Variants in MCTP2 observed in about 807,000 individuals in gnomAD.
The protein encoded by MCTP2 is multiple C2 and transmembrane domain containing 2.
MCTP2 carries 132 observed loss-of-function variants against 111.6 expected under a neutral mutation model. The ratio of observed to expected loss-of-function variants is 1.18; its 90% CI spans 1.03 to 1.37. MCTP2 has a LOEUF of 1.37. MCTP2 is among the 40% of genes most tolerant of loss of function. MCTP2 has a pLI of 0.00. For synonymous variants in MCTP2, 395 were observed against 387.7 expected, an observed-to-expected ratio of 1.02 and a Z score of -0.22; for missense variants, 1,183 against 1,067.9, an observed-to-expected ratio of 1.11 and a Z score of -1.50.
intron 17 of MCTP2, chr15:94,402,917 G>T: frequency 1.9e-6 from 2 of 1,069,654 alleles, no homozygotes; most frequent in Non-Finnish European, 2.3e-6. Context: ...ATGTGGTTCT[G>T]CTTCTGTTTT....
At chr15:94,450,455 A>G (rs909153860) in intron 19 of MCTP2, among the ~76,000 whole-genome samples, 7 of 152,252 alleles carry the variant, frequency 4.6e-5, no homozygotes, top group Admixed American at 3.9e-4. Context: ...GGATTCCCAA[A>G]GAATAATTTT....
chr15:94,432,185 G>A (rs892613500), intron 17 of MCTP2, among the ~76,000 whole-genome samples: 1 of 152,102 alleles, frequency 6.6e-6, no homozygotes, highest in African/African-American at 2.4e-5. Flanking sequence ...GGAGAGTTTG[G>A]GTTGGTGGCA....
At chr15:94,270,636 C>G (rs1302374888) in intron 1 of MCTP2, among the ~76,000 whole-genome samples, 1 of 152,124 alleles carries the variant, frequency 6.6e-6, no homozygotes, top group Non-Finnish European at 1.5e-5. Context: ...CCCCCTATCC[C>G]CCTCTCCTGG....
intron 19 of MCTP2, among the ~76,000 whole-genome samples, chr15:94,443,725 G>GT (rs1366673233): frequency 6.6e-6 from 1 of 152,136 alleles, no homozygotes; most frequent in African/African-American, 2.4e-5. Context: ...GGACCAGATG[G>GT]TTTTGCCCAT....
chr15:94,265,268 A>T (rs1053539347), intron 1 of MCTP2, among the ~76,000 whole-genome samples: 3 of 152,180 alleles, frequency 2.0e-5, no homozygotes, highest in Non-Finnish European at 4.4e-5. Flanking sequence ...TGAGTCACTT[A>T]TACTAACTCT....
At chr15:94,411,294 T>C (rs144292449) in intron 17 of MCTP2, among the ~76,000 whole-genome samples, 201 of 152,254 alleles carry the variant, frequency 1.3e-3, no homozygotes, top group Admixed American at 2.1e-3. Context: ...CTTTTTTTTT[T>C]TTTTTCTTTT....
rs184997512 is a variant in MCTP2, at chr15:94,321,666, T to C, written c.637+6029T>C. On this transcript the variant is annotated intron_variant, in intron 4 of 22. Coordinates refer to ENST00000357742, the MANE Select transcript of MCTP2 (RefSeq NM_001385001.1). ...CTCTCTCTATGATCTGTCTTTAGCA[T>C]AGGGTTTTTAAAATACAGCTAATCA... 1.4e-3 allele frequency among the ~76,000 whole-genome samples: 209 copies of C among 152,304 alleles called. 2 individuals carry two copies. The highest frequency in any genetic ancestry group is 4.5e-3 in the African/African-American group (189 of 41,560).
At chr15:94,298,874 C>T in intron 2 of MCTP2, 144 bp downstream of exon 2, 2 of 366,560 alleles carry the variant, frequency 5.5e-6, no homozygotes, top group Non-Finnish European at 9.1e-6. Flanking sequence ...CTCTCTCTCC[C>T]CCTCCCCCCT....
chr15:94,446,923 TAAGAA>T (rs1331771921), intron 19 of MCTP2, among the ~76,000 whole-genome samples: 1 of 152,224 alleles, frequency 6.6e-6, no homozygotes, highest in Non-Finnish European at 1.5e-5. Flanking sequence ...CATTTTCCTT[TAAGAA>T]AATAAGAAAC....
intron 17 of MCTP2, among the ~76,000 whole-genome samples, chr15:94,412,691 A>T (rs1195577952): frequency 6.6e-6 from 1 of 152,072 alleles, no homozygotes; most frequent in Non-Finnish European, 1.5e-5. Flanking sequence ...TTCTTCAGCT[A>T]AGTATGCCTT....
chr15:94,468,928 TCA>T (rs930162292), intron 20 of MCTP2, among the ~76,000 whole-genome samples: 26 of 152,256 alleles, frequency 1.7e-4, no homozygotes, highest in African/African-American at 6.0e-4. Flanking sequence ...ATGCCCAGCC[TCA>T]GTCTTAACCA....
intron 1 of MCTP2, among the ~76,000 whole-genome samples, chr15:94,288,347 T>C (rs1160451852): frequency 6.6e-6 from 1 of 152,156 alleles, no homozygotes; most frequent in African/African-American, 2.4e-5. Context: ...AGCCTGAACA[T>C]ACATGGATCT....
chr15:94,237,234 A>G (rs758870936), intron 1 of MCTP2, among the ~76,000 whole-genome samples: 1 of 152,210 alleles, frequency 6.6e-6, no homozygotes, highest in Non-Finnish European at 1.5e-5. Flanking sequence ...CTAAATATCA[A>G]CTGATTGAAT....
intron 12 of MCTP2, among the ~76,000 whole-genome samples, chr15:94,383,461 T>C (rs922934827): frequency 3.9e-5 from 6 of 152,224 alleles, no homozygotes; most frequent in Non-Finnish European, 7.3e-5. Context: ...TAGTCTCTTT[T>C]CACGTTGCTG....
chr15:94,426,371 C>A (rs1310759035), intron 17 of MCTP2, among the ~76,000 whole-genome samples: 1 of 152,002 alleles, frequency 6.6e-6, no homozygotes, highest in African/African-American at 2.4e-5. Flanking sequence ...TCTTATTATT[C>A]TATTTCTAGT....
At chr15:94,277,564 G>A (rs1235463382) in intron 1 of MCTP2, among the ~76,000 whole-genome samples, 1 of 152,148 alleles carries the variant, frequency 6.6e-6, no homozygotes, top group African/African-American at 2.4e-5. Flanking sequence ...AAGTAAGTTA[G>A]TCTGAAAAGG....
intron 4 of MCTP2, among the ~76,000 whole-genome samples, chr15:94,321,717 G>A (rs2076638681): frequency 6.6e-6 from 1 of 152,184 alleles, no homozygotes; most frequent in African/African-American, 2.4e-5. Flanking sequence ...GGTTAGGGGT[G>A]CCAACCCCTC....
intron 6 of MCTP2, 126 bp downstream of exon 6, chr15:94,340,401 A>G: frequency 4.1e-6 from 3 of 731,316 alleles, no homozygotes; most frequent in Non-Finnish European, 6.9e-6. Flanking sequence ...AGAGAGCTTT[A>G]AAGTGTTATA....
At chr15:94,406,658 A>G (rs779970536) in intron 17 of MCTP2, among the ~76,000 whole-genome samples, 2 of 152,246 alleles carry the variant, frequency 1.3e-5, no homozygotes, top group Non-Finnish European at 2.9e-5. Flanking sequence ...TGCATTTGGC[A>G]TCCTTGGAAT....
Sources: allele counts gnomAD v4.1 joint callset (sites outside exome capture counted in the v4.1 genomes callset), GRCh38; gene constraint gnomAD v4.1.1; transcripts MANE v1.5; gene names NCBI Gene and HGNC (gene_info 2026-07-23, HGNC 2026-07-21).